MBTPS2: variants seen among roughly 807,000 people sequenced by gnomAD.
MBTPS2 encodes the protein membrane-bound transcription factor site-2 protease.
MBTPS2 carries 2 observed loss-of-function variants against 35.4 expected under a neutral mutation model. The ratio of observed to expected loss-of-function variants is 0.06; its 90% CI spans 0.02 to 0.18. The LOEUF (loss-of-function observed/expected upper bound fraction) is 0.18, where lower values mean the gene tolerates loss of function less well. Ranked by LOEUF, MBTPS2 falls within the 10% of genes least tolerant of loss-of-function variation. The pLI, the probability that MBTPS2 is intolerant of heterozygous loss-of-function variation, is 1.00. For synonymous variants in MBTPS2, 125 were observed against 140.4 expected, an observed-to-expected ratio of 0.89 and a Z score of 0.77; for missense variants, 244 against 386.5, an observed-to-expected ratio of 0.63 and a Z score of 3.09.
intron 2 of MBTPS2, 123 bp from the exon 3 acceptor site, chrX:21,845,048 G>A (rs2092907051): frequency 9.5e-6 from 10 of 1,048,074 alleles, no homozygotes; most frequent in Non-Finnish European, 1.2e-5. Flanking sequence ...GGAAAAAGAA[G>A]CAGAGTTACT....
At chrX:21,882,020 G>A (rs1268369290) in intron 10 of MBTPS2, among the ~76,000 whole-genome samples, 1 of 112,243 alleles carries the variant, frequency 8.9e-6, no homozygotes, top group Non-Finnish European at 1.9e-5. Flanking sequence ...ACAGAGGGTA[G>A]TAAAATAAAG....
chrX:21,851,597 G>C lies in MBTPS2; in HGVS notation c.527G>C (p.Gly176Ala). The change falls in exon 4 of 11, where the codon GGG becomes GCG. Residue 176 changes from glycine to alanine, a missense_variant. Gly to Ala is a moderately conservative substitution (Grantham distance 60). Coordinates refer to ENST00000379484, the MANE Select transcript of MBTPS2 (RefSeq NM_015884.4). ...ISGVVHEIGHGIAAIREQVRF... is the reference protein window; with the variant it reads ...ISGVVHEIGHAIAAIREQVRF... ...GGTGTTGTACATGAAATTGGACATG[G>C]GATAGCAGCTATTAGGTAATGATAT... The C allele has an allele frequency of 8.5e-7, 1 of 1,179,503 alleles. No homozygotes were observed. Among genetic ancestry groups the C allele is most frequent in the East Asian group, 3.0e-5 (1 of 33,713 alleles).
intron 9 of MBTPS2, among the ~76,000 whole-genome samples, chrX:21,880,675 A>G (rs568840224): frequency 8.9e-6 from 1 of 111,945 alleles, no homozygotes; most frequent in Non-Finnish European, 1.9e-5. Flanking sequence ...TCAAAATGTA[A>G]GTACACACTG....
intron 5 of MBTPS2, chrX:21,856,113 T>G: frequency 5.1e-6 from 1 of 196,307 alleles, no homozygotes; most frequent in Non-Finnish European, 9.4e-6. Flanking sequence ...GTAAAGAGCC[T>G]GCTTACGAAA....
intron 7 of MBTPS2, among the ~76,000 whole-genome samples, chrX:21,874,839 T>A (rs1191637904): frequency 8.9e-6 from 1 of 112,428 alleles, no homozygotes; most frequent in Non-Finnish European, 1.9e-5. Context: ...CTCTCGTAAT[T>A]AATAAAAATA....
At chrX:21,864,138 G>A (rs1006031664) in intron 5 of MBTPS2, among the ~76,000 whole-genome samples, 2 of 112,574 alleles carry the variant, frequency 1.8e-5, no homozygotes, top group African/African-American at 3.2e-5. Flanking sequence ...TTAAATTTAG[G>A]AATATAATTT....
intron 7 of MBTPS2, among the ~76,000 whole-genome samples, chrX:21,875,313 C>T (rs2092951844): frequency 1.8e-5 from 2 of 112,079 alleles, no homozygotes; most frequent in South Asian, 7.5e-4. Context: ...TCTGTTGGGA[C>T]AAAATGGAAG....
At chrX:21,848,757 G>C (rs1469171585) in intron 3 of MBTPS2, among the ~76,000 whole-genome samples, 1 of 111,534 alleles carries the variant, frequency 9.0e-6, no homozygotes, top group Non-Finnish European at 1.9e-5. Context: ...ACTAGAGAAA[G>C]GACACTTGGA....
intron 7 of MBTPS2, chrX:21,871,066 A>T (rs1160860285): frequency 8.5e-6 from 1 of 118,196 alleles, no homozygotes; most frequent in African/African-American, 3.2e-5. Flanking sequence ...ACTTTTTAAA[A>T]TTTACTCATT....
chrX:21,851,753 G>A, intron 4 of MBTPS2, 141 bp downstream of exon 4: 1 of 485,485 alleles, frequency 2.1e-6, no homozygotes, highest in South Asian at 3.0e-5. Context: ...GCCATCATTT[G>A]TTACTTTGAG....
intron 5 of MBTPS2, among the ~76,000 whole-genome samples, chrX:21,864,235 T>TTTTG (rs1262102157): frequency 8.9e-6 from 1 of 112,335 alleles, no homozygotes; most frequent in Non-Finnish European, 1.9e-5. Flanking sequence ...TTGTTTTGTT[T>TTTTG]TTTGTTTGTT....
intron 5 of MBTPS2, among the ~76,000 whole-genome samples, chrX:21,862,672 G>A (rs1476381021): frequency 9.5e-6 from 1 of 104,806 alleles, no homozygotes; most frequent in Non-Finnish European, 2.0e-5. Flanking sequence ...TTAGCCGGGC[G>A]TGGTGGGGGG....
chrX:21,845,877 C>T (rs760963159), intron 3 of MBTPS2, among the ~76,000 whole-genome samples: 4 of 112,161 alleles, frequency 3.6e-5, no homozygotes, highest in African/African-American at 1.3e-4. Context: ...GAGTTGTACT[C>T]CTTTAAAACT....
At chrX:21,853,539 G>C in intron 5 of MBTPS2, 36 bp downstream of exon 5, 1 of 1,180,997 alleles carries the variant, frequency 8.5e-7, no homozygotes, top group South Asian at 1.8e-5. Context: ...ATTCATCTGT[G>C]GTTTTGGTTT....
rs911784995 is a variant in MBTPS2, at chrX:21,839,715, C to T, written c.-20C>T. The stretch of plus-strand genomic sequence containing the variant: ...GAGGACGCCGGGGCTCGCCTTCCCT[C>T]CTCTGCCGCCGCTGCCGCCATGATT... On this transcript the variant is annotated 5_prime_UTR_variant, in exon 1 of 11. Coordinates refer to ENST00000379484, the MANE Select transcript of MBTPS2 (RefSeq NM_015884.4). 13 of 1,172,572 alleles carry T rather than the reference C, an allele frequency of 1.1e-5. No homozygotes were observed. The highest frequency in any genetic ancestry group is 1.5e-5 in the Non-Finnish European group (13 of 874,960).
rs779903088 is a variant in MBTPS2, at chrX:21,863,709, C to T, written c.671-4758C>T. 5.4e-5 allele frequency among the ~76,000 whole-genome samples: 6 copies of T among 111,711 alleles called. No homozygotes were observed. In the South Asian group the frequency reaches 1.1e-3, roughly 21 times the overall value. On this transcript the variant is annotated intron_variant, in intron 5 of 10. Coordinates refer to ENST00000379484, the MANE Select transcript of MBTPS2 (RefSeq NM_015884.4). The stretch of plus-strand genomic sequence containing the variant: ...ATATCCCCACCAATAATTGGGTCCA[C>T]GCACCTCTTTCAGAGCTTATTAAAT...
At chrX:21,856,511 C>G in intron 5 of MBTPS2, 1 of 1,209,290 alleles carries the variant, frequency 8.3e-7, no homozygotes, top group Non-Finnish European at 1.1e-6. Flanking sequence ...ATTTCTCCAT[C>G]ACACAAGACC....
rs777215127 is a variant in MBTPS2, at chrX:21,878,570, G to A, written c.1139G>A (p.Ser380Asn). The A allele has an allele frequency of 3.3e-6, 4 of 1,206,285 alleles. No individual in the cohort carries two copies. The highest frequency in any genetic ancestry group is 4.4e-5 in the Admixed American group (2 of 45,658). Residue 380 changes from serine (S) to asparagine (N), a missense_variant, in exon 9 of 11, where the codon AGC becomes AAC. Transcript: ENST00000379484. ...AGAACCAATAAAGACTGTAAAAAAA[G>A]CTCAAGTTCAAGTTTCTGTATAATA... is the stretch of plus-strand genomic sequence containing the variant. ...VCRTNKDCKK[S>N]SSSSFCIIPS...
chrX:21,869,724 C>T (rs2092944889), intron 7 of MBTPS2, 46 bp downstream of exon 7: 2 of 969,676 alleles, frequency 2.1e-6, no homozygotes, highest in Admixed American at 2.2e-5. Flanking sequence ...AGCACCAGTA[C>T]CTGCCATTCA....
Sources: gnomAD v4.1 joint callset for allele counts (sites outside exome capture counted in the v4.1 genomes callset) on GRCh38, gnomAD v4.1.1 for gene constraint, MANE v1.5 for transcripts, NCBI Gene and HGNC (gene_info 2026-07-23, HGNC 2026-07-21) for gene names.